The following HLTF variants were observed in gnomAD, a reference collection of about 807,000 sequenced individuals.
HLTF encodes the protein DNA-dependent ATPase/E3 ubiquitin-protein ligase HLTF.
HLTF carries 127 observed loss-of-function variants against 129.4 expected under a neutral mutation model. The observed-to-expected ratio is 0.98, with a 90% CI of 0.85 to 1.14. The LOEUF is 1.14. Among genes scored for constraint, HLTF ranks in the 50% most tolerant of loss-of-function variants. The probability of loss-of-function intolerance (pLI) is 0.00; values close to 1 mark genes in which losing one functional copy is unlikely to be tolerated. For missense variants in HLTF, 1,139 were observed against 1,187.1 expected, an observed-to-expected ratio of 0.96 and a Z score of 0.60; for synonymous variants, 332 against 388.8, an observed-to-expected ratio of 0.85 and a Z score of 1.72.
At chr3:149,051,248 A>G (rs1716957704) in intron 14 of HLTF, among the ~76,000 whole-genome samples, 1 of 152,010 alleles carries the variant, frequency 6.6e-6, no homozygotes, top group South Asian at 2.1e-4. Context: ...AAAAAAAAAA[A>G]AAGAAGGGAA....
In HLTF at chr3:149,031,186, C is replaced by T. The variant is rs1409042977; in HGVS notation, c.*1034G>A. The T allele has an allele frequency of 6.6e-6, 1 of 152,370 alleles. No individual in the cohort carries two copies. Among genetic ancestry groups the T allele is most frequent in the South Asian group, 2.1e-4 (1 of 4,824 alleles). The allele number at this position is 152,370 out of a possible 1,614,324, so 9.4% of individuals were successfully genotyped here. On this transcript the variant is annotated 3_prime_UTR_variant, in exon 25 of 25. Transcript: ENST00000310053. ...AAAAAAAAGAAAAGAAAAAAGATGA[C>T]TAATTCTACAGATAGCTGTAAGGAT...
At chr3:149,039,942 A>G in intron 21 of HLTF, 89 bp downstream of exon 21, 1 of 1,179,452 alleles carries the variant, frequency 8.5e-7, no homozygotes, top group East Asian at 2.5e-5. Flanking sequence ...GACAGGAATG[A>G]AAGCAGAATT....
intron 14 of HLTF, among the ~76,000 whole-genome samples, chr3:149,053,732 C>T (rs1213483958): frequency 6.6e-6 from 1 of 152,184 alleles, no homozygotes; most frequent in Non-Finnish European, 1.5e-5. Flanking sequence ...CTGAACTTTA[C>T]ATTACTTGAA....
At chr3:149,051,477 A>G (rs554990236) in intron 14 of HLTF, among the ~76,000 whole-genome samples, 14 of 152,334 alleles carry the variant, frequency 9.2e-5, no homozygotes, top group African/African-American at 2.9e-4. Context: ...ACAGTGAGCA[A>G]ACGTTAGGGA....
Position 149,039,157 on chromosome 3 carries a change from A to C in HLTF, c.2688T>G (p.Cys896Trp). The change falls in exon 23 of 25, where the codon TGT (cysteine) becomes TGG (tryptophan). Residue 896 changes from cysteine (C) to tryptophan (W), a missense_variant. By Grantham distance (215) the Cys-to-Trp change is radical. Coordinates refer to ENST00000310053, the MANE Select transcript of HLTF (RefSeq NM_003071.4). ...GAGATCCTGCTTCAGTGTTTTGAAA[A>C]CACTGAATTGATTCAACTCTTTTCT... ...AQKKRVESIQ[C>W]FQNTEAGSPT... The C allele has an allele frequency of 6.2e-7, 1 of 1,612,230 alleles. No individual in the cohort carries two copies. Among genetic ancestry groups the C allele is most frequent in the Non-Finnish European group, 8.5e-7 (1 of 1,179,240 alleles).
intron 19 of HLTF, chr3:149,041,911 C>T: frequency 1.7e-6 from 1 of 573,830 alleles, no homozygotes; most frequent in East Asian, 2.8e-5. Context: ...TACCACCACA[C>T]AATAAAAGGC....
chr3:149,079,859 G>A (rs1028984725), intron 2 of HLTF, among the ~76,000 whole-genome samples: 1 of 152,112 alleles, frequency 6.6e-6, no homozygotes, highest in Non-Finnish European at 1.5e-5. Flanking sequence ...CCAAAGCGCT[G>A]GGATTACAGG....
At chr3:149,043,020 T>C (rs921924698) in intron 18 of HLTF, among the ~76,000 whole-genome samples, 1 of 150,964 alleles carries the variant, frequency 6.6e-6, no homozygotes, top group Non-Finnish European at 1.5e-5. Flanking sequence ...AGCAGAAAAA[T>C]GTTGCCACAG....
chr3:149,034,968 A>T lies in HLTF; in HGVS notation c.2827T>A (p.Phe943Ile). The T allele has an allele frequency of 6.2e-7, 1 of 1,613,974 alleles. No individual in the cohort carries two copies. The highest frequency in any genetic ancestry group is 8.5e-7 in the Non-Finnish European group (1 of 1,179,844). Residue 943 changes from phenylalanine (F) to isoleucine (I), a missense_variant, in exon 24 of 25, where the codon TTT becomes ATT. By Grantham distance (21) the Phe-to-Ile change is conservative. Transcript: ENST00000310053. ...TGACCAAGTCTATGGCATCTGTCAA[A>T]GCACTGATCTTCAGCAGCAGGATTC... The part of the protein sequence containing the change: ...AWNPAAEDQC[F>I]DRCHRLGQKQ...
intron 18 of HLTF, among the ~76,000 whole-genome samples, chr3:149,042,751 C>T (rs1247400566): frequency 6.6e-6 from 1 of 151,994 alleles, no homozygotes; most frequent in Non-Finnish European, 1.5e-5. Flanking sequence ...ATGGGCACAG[C>T]ACTCTACACT....
At chr3:149,085,310 G>A (rs1265623655) in intron 1 of HLTF, among the ~76,000 whole-genome samples, 4 of 152,168 alleles carry the variant, frequency 2.6e-5, no homozygotes, top group Non-Finnish European at 4.4e-5. Flanking sequence ...GGCCAACATT[G>A]TGAAACCCTG....
chr3:149,039,923 C>G (rs1308673294), intron 21 of HLTF, 108 bp downstream of exon 21: 1 of 1,009,988 alleles, frequency 9.9e-7, no homozygotes, highest in Non-Finnish European at 1.4e-6. Context: ...AACAACAGAA[C>G]ACTAAAATGA....
At chr3:149,040,329 C>T (rs1057021961) in intron 20 of HLTF, 173 bp from the exon 21 acceptor site, 3 of 557,532 alleles carry the variant, frequency 5.4e-6, no homozygotes, top group Middle Eastern at 4.8e-4. Flanking sequence ...GAACTCCAGA[C>T]ATAATGTGGT....
chr3:149,067,730 G>GA (rs1200401131), intron 8 of HLTF, among the ~76,000 whole-genome samples: 1 of 152,104 alleles, frequency 6.6e-6, no homozygotes, highest in African/African-American at 2.4e-5. Context: ...ATTTTCTTTG[G>GA]AAAAAATGAA....
intron 14 of HLTF, among the ~76,000 whole-genome samples, chr3:149,053,376 T>C (rs990176245): frequency 6.6e-6 from 1 of 152,102 alleles, no homozygotes; most frequent in Non-Finnish European, 1.5e-5. Context: ...CGAGATCTGG[T>C]TGTTTCTAAG....
chr3:149,041,824 A>G lies in HLTF; in HGVS notation c.2198-156T>C, dbSNP rs201715409. 11 of 631,304 alleles carry G rather than the reference A, an allele frequency of 1.7e-5. No individual in the cohort carries two copies. The East Asian group carries it at 3.0e-4, about 17-fold the overall frequency. 39.1% of individuals were successfully genotyped at this position (631,304 alleles called of 1,614,324 possible). On this transcript the variant is annotated intron_variant, in intron 19 of 24. Transcript: ENST00000310053. ...ATAATTTAAATTTGAAATTTAAGAA[A>G]CATTCAGAAGCCAAAATAGTAGCCA...
intron 18 of HLTF, 52 bp downstream of exon 18, chr3:149,046,028 G>A: frequency 7.6e-7 from 1 of 1,316,586 alleles, no homozygotes; most frequent in Non-Finnish European, 1.1e-6. Context: ...TCAGTGAATG[G>A]GAAACAAAGT....
At chr3:149,040,001 TACTC>T in intron 21 of HLTF, 26 bp downstream of exon 21, 1 of 1,581,048 alleles carries the variant, frequency 6.3e-7, no homozygotes, top group South Asian at 1.2e-5. Context: ...GTAAAACAAA[TACTC>T]AAATATTTGC....
intron 7 of HLTF, among the ~76,000 whole-genome samples, chr3:149,070,346 C>T (rs1336671429): frequency 6.6e-6 from 1 of 152,184 alleles, no homozygotes; most frequent in East Asian, 1.9e-4. Context: ...GCCATCTATT[C>T]GGCCAAACAC....
Sources: gnomAD v4.1 joint callset for allele counts (sites outside exome capture counted in the v4.1 genomes callset) on GRCh38, gnomAD v4.1.1 for gene constraint, MANE v1.5 for transcripts, NCBI Gene and HGNC (gene_info 2026-07-23, HGNC 2026-07-21) for gene names.